The following ERO1A variants were observed in gnomAD, a reference collection of about 807,000 sequenced individuals.
ERO1A encodes the protein endoplasmic reticulum oxidoreductase 1 alpha.
Under a neutral mutation model 76.9 loss-of-function variants are expected in ERO1A, and 49 were observed. The ratio of observed to expected loss-of-function variants is 0.64; its 90% CI spans 0.51 to 0.81. The LOEUF is 0.81. Ranked by LOEUF, ERO1A falls within the 30% of genes least tolerant of loss-of-function variation. The pLI is 0.00. For missense variants in ERO1A, 448 were observed against 542.1 expected (o/e 0.83, Z 1.72); for synonymous variants, 174 against 181.2 (o/e 0.96, Z 0.32).
intron 13 of ERO1A, among the ~76,000 whole-genome samples, chr14:52,651,613 T>C (rs2139644090): frequency 6.6e-6 from 1 of 152,312 alleles, no homozygotes; most frequent in South Asian, 2.1e-4. Context: ...TTTTTCTTAA[T>C]TTCAAGATGT....
rs934321751 is a variant in ERO1A at position 52,645,430 on chromosome 14, G to A, written c.1346+724C>T. On this transcript the variant is annotated intron_variant, in intron 15 of 15. Coordinates refer to ENST00000395686, the MANE Select transcript of ERO1A (RefSeq NM_014584.3). ...CGATTCTTCTGCCTCAGCCTCCTGA[G>A]TAGCTGGGACCACAGGCATGCTCCA... is the stretch of plus-strand genomic sequence containing the variant. Among the ~76,000 whole-genome samples the A allele has an allele frequency of 1.7e-4, 26 of 151,062 alleles. 1 individual carries two copies. The highest frequency in any genetic ancestry group is 1.5e-3 in the Admixed American group (22 of 15,112).
At chr14:52,653,466 C>CT in intron 11 of ERO1A, 151 bp from the exon 12 acceptor site, 1 of 521,180 alleles carries the variant, frequency 1.9e-6, no homozygotes, top group Non-Finnish European at 3.1e-6. Flanking sequence ...ACAATTTAGC[C>CT]TTTAATAGTT....
intron 1 of ERO1A, among the ~76,000 whole-genome samples, chr14:52,694,159 CTTAT>C (rs2041460574): frequency 6.6e-6 from 1 of 151,824 alleles, no homozygotes; most frequent in Non-Finnish European, 1.5e-5. Context: ...TTATTTCTAT[CTTAT>C]TTTTTAAATG....
At chr14:52,684,557 G>A (rs995649569) in intron 1 of ERO1A, among the ~76,000 whole-genome samples, 28 of 152,078 alleles carry the variant, frequency 1.8e-4, no homozygotes, top group African/African-American at 6.5e-4. Flanking sequence ...TTAGCTTTCA[G>A]TAAGGATCTA....
At chr14:52,680,791 A>C (rs2040968108) in intron 3 of ERO1A, among the ~76,000 whole-genome samples, 1 of 152,200 alleles carries the variant, frequency 6.6e-6, no homozygotes, top group Non-Finnish European at 1.5e-5. Flanking sequence ...TTGTATCTAT[A>C]TGAGGATTAA....
chr14:52,641,835 AACTT>A lies in ERO1A; in HGVS notation c.*1731_*1734del, dbSNP rs1339497455. The A allele has an allele frequency of 2.0e-5, 3 of 152,218 alleles. No homozygotes were observed. The highest frequency in any genetic ancestry group is 2.9e-5 in the Non-Finnish European group (2 of 68,032). The allele number at this position is 152,218 out of a possible 1,614,324, so 9.4% of individuals were successfully genotyped here. The stretch of plus-strand genomic sequence containing the variant: ...CAGAGAAAAATAGGACAAATTATTA[AACTT>A]ACTTCTGTGATTATTCATTTAAAAT... On this transcript the variant is annotated 3_prime_UTR_variant, in exon 16 of 16. Transcript: ENST00000395686.
chr14:52,656,094 T>C (rs1454523955), intron 11 of ERO1A, among the ~76,000 whole-genome samples: 1 of 152,194 alleles, frequency 6.6e-6, no homozygotes. Flanking sequence ...TGAACTTCTA[T>C]TAACTATAAT....
intron 1 of ERO1A, among the ~76,000 whole-genome samples, chr14:52,691,033 T>A (rs1340225998): frequency 6.6e-6 from 1 of 152,108 alleles, no homozygotes; most frequent in Admixed American, 6.5e-5. Context: ...TCCCAAAGTG[T>A]TGGAATTACA....
At chr14:52,684,580 T>C (rs2041118488) in intron 1 of ERO1A, among the ~76,000 whole-genome samples, 1 of 152,062 alleles carries the variant, frequency 6.6e-6, no homozygotes, top group Non-Finnish European at 1.5e-5. Context: ...AATCCTCAAA[T>C]ATTGGGCTGT....
chr14:52,645,485 G>A (rs1049255200), intron 15 of ERO1A, among the ~76,000 whole-genome samples: 2 of 151,410 alleles, frequency 1.3e-5, no homozygotes, highest in Non-Finnish European at 2.9e-5. Context: ...TTTGATTTTA[G>A]TAGAGTTGGC....
intron 13 of ERO1A, among the ~76,000 whole-genome samples, chr14:52,651,995 T>C (rs1190364537): frequency 6.6e-6 from 1 of 151,064 alleles, no homozygotes; most frequent in Non-Finnish European, 1.5e-5. Flanking sequence ...TCTACTTTTT[T>C]TTTTTTTTTT....
chr14:52,648,781 T>C (rs2039756561), intron 13 of ERO1A, among the ~76,000 whole-genome samples: 1 of 152,210 alleles, frequency 6.6e-6, no homozygotes, highest in South Asian at 2.1e-4. Context: ...AATACTTGAA[T>C]GTGACAGCTC....
In ERO1A at chr14:52,677,896, GA is replaced by G. The variant is rs1180125110; in HGVS notation, c.357+537del. ...AAAAAAAAAAAAAAAAAAAATTAAA[GA>G]ACTCTGAATAACATATGGACTTTCA... On this transcript the variant is annotated intron_variant, in intron 4 of 15. Transcript: ENST00000395686. Among the ~76,000 whole-genome samples the G allele has an allele frequency of 4.2e-3, 413 of 99,196 alleles. 3 individuals are homozygous for G. The highest frequency in any genetic ancestry group is 0.015 in the African/African-American group (390 of 26,540). 65.1% of individuals were successfully genotyped at this position (99,196 alleles called of 152,430 possible).
At chr14:52,678,890 T>C (rs2139746228) in intron 3 of ERO1A, among the ~76,000 whole-genome samples, 1 of 152,302 alleles carries the variant, frequency 6.6e-6, no homozygotes, top group South Asian at 2.1e-4. Flanking sequence ...AACCTAGGGG[T>C]TTGGGTCATG....
Position 52,672,167 on chromosome 14 carries a change from G to A in ERO1A, c.358-296C>T, listed in dbSNP as rs1351020577. The A allele has an allele frequency of 7.9e-5, 16 of 202,976 alleles. No individual in the cohort carries two copies. In the East Asian group the frequency reaches 8.5e-4, roughly 11 times the overall value. The allele number at this position is 202,976 out of a possible 1,614,324, so 12.6% of individuals were successfully genotyped here. ...TAAAAATACAAAAAATTAGCAGGGC[G>A]TGGTGGCAGGCGCCTGTAGTCCCAG... On this transcript the variant is annotated intron_variant, in intron 4 of 15. Transcript: ENST00000395686.
intron 11 of ERO1A, among the ~76,000 whole-genome samples, chr14:52,656,938 T>A (rs1323672094): frequency 6.6e-6 from 1 of 152,028 alleles, no homozygotes; most frequent in South Asian, 2.1e-4. Context: ...GGTGGCATGC[T>A]CCTGTAGTCA....
intron 4 of ERO1A, among the ~76,000 whole-genome samples, chr14:52,672,776 CA>C (rs1226719026): frequency 8.5e-4 from 52 of 61,088 alleles, no homozygotes; most frequent in East Asian, 1.9e-3. Context: ...TGTCTCTGAC[CA>C]AAAAAAAAAA....
intron 6 of ERO1A, among the ~76,000 whole-genome samples, chr14:52,667,058 A>T (rs1464777199): frequency 6.6e-6 from 1 of 152,266 alleles, no homozygotes; most frequent in Non-Finnish European, 1.5e-5. Context: ...TCAAAGAAAC[A>T]TGGTAATTCA....
At chr14:52,688,555 G>T (rs2041253634) in intron 1 of ERO1A, among the ~76,000 whole-genome samples, 1 of 152,160 alleles carries the variant, frequency 6.6e-6, no homozygotes, top group South Asian at 2.1e-4. Flanking sequence ...CTACTTAAAT[G>T]CTTCCAATGA....
Sources: gnomAD v4.1 joint callset for allele counts (sites outside exome capture counted in the v4.1 genomes callset) on GRCh38, gnomAD v4.1.1 for gene constraint, MANE v1.5 for transcripts, NCBI Gene and HGNC (gene_info 2026-07-23, HGNC 2026-07-21) for gene names.